ZSCAN25: variants seen among roughly 807,000 people sequenced by gnomAD.
The protein encoded by ZSCAN25 is zinc finger and SCAN domain-containing protein 25.
ZSCAN25 carries 27 observed loss-of-function variants against 38.7 expected under a neutral mutation model. That is an observed-to-expected ratio of 0.70 (90% confidence interval 0.51 to 0.96). The LOEUF (loss-of-function observed/expected upper bound fraction) is 0.96, where lower values mean the gene tolerates loss of function less well. ZSCAN25 is among the 40% of genes least tolerant of loss of function. The pLI, the probability that ZSCAN25 is intolerant of heterozygous loss-of-function variation, is 0.00. For missense variants in ZSCAN25, 637 were observed against 705.9 expected, an observed-to-expected ratio of 0.90 and a Z score of 1.11; for synonymous variants, 273 against 277.7, an observed-to-expected ratio of 0.98 and a Z score of 0.17.
chr7:99,722,844 A>G, the ZSCAN25 span, among the ~76,000 whole-genome samples: 1 of 152,166 alleles, frequency 6.6e-6, no homozygotes, highest in Non-Finnish European at 1.5e-5. Flanking sequence ...GACCTCTTTT[A>G]GCCTAGCAGA....
At chr7:99,702,919 T>G in the ZSCAN25 span, among the ~76,000 whole-genome samples, 1 of 152,242 alleles carries the variant, frequency 6.6e-6, no homozygotes, top group Admixed American at 6.5e-5. Flanking sequence ...TTCAATTTCC[T>G]TCATCAGTGT....
At chr7:99,638,390 C>G in the ZSCAN25 span, 1 of 1,595,820 alleles carries the variant, frequency 6.3e-7, no homozygotes, top group Non-Finnish European at 8.6e-7. Context: ...TGGCATCGGG[C>G]AGGTCCTGCT....
chr7:99,706,419 T>C, the ZSCAN25 span, among the ~76,000 whole-genome samples: 1 of 152,190 alleles, frequency 6.6e-6, no homozygotes, highest in African/African-American at 2.4e-5. Flanking sequence ...GATAGCTACA[T>C]AGCTGGCCTA....
chr7:99,712,729 C>T, the ZSCAN25 span, among the ~76,000 whole-genome samples: 12 of 152,152 alleles, frequency 7.9e-5, no homozygotes, highest in Non-Finnish European at 1.3e-4. Flanking sequence ...TCAGCCTACT[C>T]CTGCTCTCTA....
the ZSCAN25 span, chr7:99,679,964 C>T: frequency 1.4e-6 from 2 of 1,411,506 alleles, no homozygotes; most frequent in East Asian, 4.6e-5. Flanking sequence ...GTTTGCTGGG[C>T]TGTTTGCCTG....
the ZSCAN25 span, chr7:99,680,083 C>T: frequency 1.7e-6 from 1 of 597,620 alleles, no homozygotes; most frequent in Non-Finnish European, 3.0e-6. Flanking sequence ...ATCGCACACA[C>T]CCCTTTGCTG....
the ZSCAN25 span, chr7:99,671,848 G>A: frequency 2.8e-6 from 2 of 702,806 alleles, no homozygotes; most frequent in Admixed American, 4.0e-5. Context: ...GAATGGGTCT[G>A]CATCTTGATG....
the ZSCAN25 span, chr7:99,648,421 T>C: frequency 1.3e-6 from 2 of 1,558,048 alleles, no homozygotes; most frequent in Non-Finnish European, 1.8e-6. Context: ...TAAACAAGCA[T>C]ATGGAGAATT....
chr7:99,634,160 ACT>A (rs1217971610), downstream of ZSCAN25, among the ~76,000 whole-genome samples: 2 of 151,652 alleles, frequency 1.3e-5, no homozygotes, highest in Non-Finnish European at 2.9e-5. Flanking sequence ...TGCAAGAGAA[ACT>A]CTGTTTTCTC....
At chr7:99,708,233 A>G in the ZSCAN25 span, among the ~76,000 whole-genome samples, 7 of 152,278 alleles carry the variant, frequency 4.6e-5, no homozygotes, top group South Asian at 8.3e-4. Context: ...ATTTATTTCT[A>G]AACACTCAAA....
the ZSCAN25 span, chr7:99,677,288 G>T: frequency 3.1e-6 from 3 of 978,782 alleles, no homozygotes; most frequent in African/African-American, 5.3e-5. Context: ...CACTGATTCA[G>T]CTGTGAAGCT....
chr7:99,717,361 G>T, the ZSCAN25 span: 2 of 1,604,418 alleles, frequency 1.2e-6, no homozygotes, highest in Admixed American at 1.7e-5. Context: ...AAGTGACATT[G>T]TATAATGAAT....
In ZSCAN25 at chr7:99,617,205, G is replaced by A. The variant is rs544671955; in HGVS notation, c.-259+189G>A. 3.3e-5 allele frequency among the ~76,000 whole-genome samples: 5 copies of A among 152,334 alleles called. No homozygotes were observed. In the East Asian group the frequency reaches 9.6e-4, roughly 29 times the overall value. On this transcript the variant is annotated intron_variant, in intron 1 of 7. Coordinates refer to ENST00000394152, the MANE Select transcript of ZSCAN25 (RefSeq NM_145115.3). The stretch of plus-strand genomic sequence containing the variant: ...CTTCAGCGGCCCCGAGGCCCTGCGG[G>A]TCTGGACGCTGAGGGGCCGCCGCGC...
the ZSCAN25 span, chr7:99,663,280 C>T: frequency 2.0e-6 from 2 of 1,002,964 alleles, no homozygotes; most frequent in Admixed American, 5.3e-5. Flanking sequence ...AATCTCCTGA[C>T]ATTTCCAGAA....
At chr7:99,688,588 C>G in the ZSCAN25 span, among the ~76,000 whole-genome samples, 12 of 152,122 alleles carry the variant, frequency 7.9e-5, no homozygotes, top group Non-Finnish European at 1.8e-4. Context: ...CTTTAACACC[C>G]CATTGTCAAC....
At chr7:99,634,154 A>G (rs535531011), downstream of ZSCAN25, among the ~76,000 whole-genome samples, 16 of 152,342 alleles carry the variant, frequency 1.1e-4, no homozygotes, top group African/African-American at 3.4e-4. Flanking sequence ...GTCCTTTGCA[A>G]GAGAAACTCT....
chr7:99,641,381 A>G, the ZSCAN25 span, among the ~76,000 whole-genome samples: 2 of 152,152 alleles, frequency 1.3e-5, no homozygotes, highest in Non-Finnish European at 2.9e-5. Context: ...CACCCCCATG[A>G]TTCAATTACC....
the ZSCAN25 span, among the ~76,000 whole-genome samples, chr7:99,641,130 C>G: frequency 6.6e-6 from 1 of 152,114 alleles, no homozygotes; most frequent in Non-Finnish European, 1.5e-5. Context: ...TTAGTCTGTT[C>G]TCGTGCTGCT....
At chr7:99,699,495 A>G in the ZSCAN25 span, among the ~76,000 whole-genome samples, 5 of 152,220 alleles carry the variant, frequency 3.3e-5, no homozygotes, top group South Asian at 2.1e-4. Flanking sequence ...AGGTCCACAG[A>G]GGAAAAACTT....
Sources: gnomAD v4.1 joint callset for allele counts (sites outside exome capture counted in the v4.1 genomes callset) on GRCh38, gnomAD v4.1.1 for gene constraint, MANE v1.5 for transcripts, NCBI Gene and HGNC (gene_info 2026-07-23, HGNC 2026-07-21) for gene names.